Variants in CLIP2 observed in about 807,000 individuals in gnomAD.
CLIP2 encodes the protein CAP-Gly domain-containing linker protein 2.
Under a neutral mutation model 111.7 loss-of-function variants are expected in CLIP2, and 41 were observed. The ratio of observed to expected loss-of-function variants is 0.37; its 90% confidence interval spans 0.29 to 0.48. CLIP2 has a LOEUF of 0.48. Among genes scored for constraint, CLIP2 ranks in the 20% least tolerant of loss-of-function variants. CLIP2 has a pLI of 0.99. For synonymous variants in CLIP2, 660 were observed against 644.2 expected (o/e 1.02, Z -0.37); for missense variants, 1,160 against 1,422.1 (o/e 0.82, Z 2.96).
rs1791588518 is a variant in CLIP2 at position 74,400,471 on chromosome 7, G to A, written c.2982G>A (p.Glu994=). ...LRLQHQLMST[E]DALRDALDQA... ...TGCAGCACCAGCTGATGAGCACGGA[G>A]GACGCCCTGCGGGATGCGCTGGACC... Residue 994 remains glutamate (E), a synonymous_variant, in exon 15 of 17, where the codon GAG becomes GAA. Transcript: ENST00000223398. The A allele has an allele frequency of 1.2e-6, 2 of 1,614,084 alleles. No homozygotes were observed. The highest frequency in any genetic ancestry group is 2.2e-5 in the South Asian group (2 of 91,072).
chr7:74,294,065 C>T (rs181764260), intron 1 of CLIP2, among the ~76,000 whole-genome samples: 150 of 152,226 alleles, frequency 9.9e-4, no homozygotes, highest in African/African-American at 3.3e-3. Flanking sequence ...TACAGGCACG[C>T]GCCACCACGC....
chr7:74,361,533 T>G (rs1173573923), intron 7 of CLIP2, among the ~76,000 whole-genome samples: 1 of 151,976 alleles, frequency 6.6e-6, no homozygotes, highest in Non-Finnish European at 1.5e-5. Context: ...ATTTTTCTTT[T>G]TTGAGACAGG....
At chr7:74,308,852 C>T (rs537250185) in intron 1 of CLIP2, among the ~76,000 whole-genome samples, 2 of 151,924 alleles carry the variant, frequency 1.3e-5, no homozygotes, top group Non-Finnish European at 2.9e-5. Flanking sequence ...CCACCATGCC[C>T]GGCCCTTTTT....
At chr7:74,398,672 C>T (rs753689304) in intron 14 of CLIP2, among the ~76,000 whole-genome samples, 5 of 152,336 alleles carry the variant, frequency 3.3e-5, no homozygotes, top group Non-Finnish European at 5.9e-5. Context: ...CTCAGGGTTC[C>T]GGGATAAAGA....
chr7:74,348,591 C>T (rs1192754723), intron 3 of CLIP2, among the ~76,000 whole-genome samples: 4 of 151,640 alleles, frequency 2.6e-5, no homozygotes, highest in Admixed American at 2.0e-4. Flanking sequence ...AGATCGAGAC[C>T]ATCCTGGCTA....
chr7:74,387,022 CAAAAA>C lies in CLIP2; in HGVS notation c.2563+434_2563+438del, dbSNP rs35422612. Among the ~76,000 whole-genome samples the C allele has an allele frequency of 2.7e-4, 19 of 70,060 alleles. No individual in the cohort carries two copies. In the East Asian group the frequency reaches 3.4e-3, roughly 13 times the overall value. The allele number at this position is 70,060 out of a possible 152,430, so 46.0% of individuals were successfully genotyped here. A position where few individuals can be genotyped will look rare whatever the true frequency, so the allele number is the denominator to read the frequency against. ...TGGGTGACAGAGCGAGACTCCATCTCAAAAAAAAAAAAAAAAAAAAGGGCCAGGGC... is the reference window on the plus strand; with the variant it reads ...TGGGTGACAGAGCGAGACTCCATCTCAAAAAAAAAAAAAAAGGGCCAGGGC... On this transcript the variant is annotated intron_variant, in intron 12 of 16. Transcript: ENST00000223398.
chr7:74,294,406 T>G (rs1372781669), intron 1 of CLIP2, among the ~76,000 whole-genome samples: 1 of 152,170 alleles, frequency 6.6e-6, no homozygotes, highest in Non-Finnish European at 1.5e-5. Context: ...AGGCCTGAAT[T>G]TAGGACCTTC....
Position 74,298,412 on chromosome 7 carries a change from C to T in CLIP2, c.-68+8678C>T, listed in dbSNP as rs531974218. ...AGAGACAGGGTTTTGCAGTGTTGGT[C>T]AGGCTGGTCTTGAACTCCTGATCTC... On this transcript the variant is annotated intron_variant, in intron 1 of 16. Transcript: ENST00000223398. Among the ~76,000 whole-genome samples the T allele has an allele frequency of 1.2e-3, 169 of 139,420 alleles. 2 individuals carry two copies. Among genetic ancestry groups the T allele is most frequent in the Non-Finnish European group, 7.1e-4 (47 of 66,144 alleles). 91.5% of individuals were successfully genotyped at this position (139,420 alleles called of 152,430 possible).
At chr7:74,367,693 G>A (rs1790498144) in intron 8 of CLIP2, among the ~76,000 whole-genome samples, 1 of 152,126 alleles carries the variant, frequency 6.6e-6, no homozygotes, top group South Asian at 2.1e-4. Flanking sequence ...CAGGACCACA[G>A]CCCAAATTGA....
At chr7:74,392,220 G>T (rs917790612) in intron 13 of CLIP2, among the ~76,000 whole-genome samples, 5 of 151,356 alleles carry the variant, frequency 3.3e-5, no homozygotes, top group Non-Finnish European at 7.4e-5. Context: ...GCTTGGTGGT[G>T]GGCACCTGTA....
At chr7:74,339,053 C>A in intron 3 of CLIP2, 49 bp downstream of exon 3, 1 of 1,531,990 alleles carries the variant, frequency 6.5e-7, no homozygotes, top group East Asian at 2.3e-5. Flanking sequence ...CTTCCCTCCC[C>A]TGCTCCGCCC....
chr7:74,401,612 A>G, intron 16 of CLIP2, 45 bp downstream of exon 16: 1 of 1,571,258 alleles, frequency 6.4e-7, no homozygotes, highest in Non-Finnish European at 8.7e-7. Flanking sequence ...GTGCAGGCAG[A>G]CCTCTCTGGA....
intron 7 of CLIP2, among the ~76,000 whole-genome samples, chr7:74,360,823 T>C (rs1422016441): frequency 3.9e-5 from 6 of 152,286 alleles, no homozygotes; most frequent in African/African-American, 1.2e-4. Context: ...AGTGCAGGCA[T>C]GAACCGTTGT....
chr7:74,341,601 T>C (rs1554305402), intron 3 of CLIP2, among the ~76,000 whole-genome samples: 1 of 151,618 alleles, frequency 6.6e-6, no homozygotes, highest in Non-Finnish European at 1.5e-5. Context: ...TCTTTTCTTT[T>C]TTTTTTTTTT....
rs56991723 is a variant in CLIP2 at position 74,321,005 on chromosome 7, G to C, written c.121+3338G>C. Among the ~76,000 whole-genome samples, 34 of 152,066 alleles carry C rather than the reference G, an allele frequency of 2.2e-4. No individual in the cohort carries two copies. The East Asian group carries it at 5.4e-3, about 24-fold the overall frequency. On this transcript the variant is annotated intron_variant, in intron 2 of 16. Coordinates refer to ENST00000223398, the MANE Select transcript of CLIP2 (RefSeq NM_003388.5). Reference sequence around the variant, plus strand: ...GGTACTTTCCCCTTTGTTCCTCCCCGATCTAGAGAGGCCCAAATTCTGGCT... The same window carrying C: ...GGTACTTTCCCCTTTGTTCCTCCCCCATCTAGAGAGGCCCAAATTCTGGCT...
chr7:74,315,806 A>G (rs1315130550), intron 1 of CLIP2, among the ~76,000 whole-genome samples: 4 of 151,426 alleles, frequency 2.6e-5, no homozygotes, highest in Non-Finnish European at 5.9e-5. Flanking sequence ...TCCTGACCTC[A>G]GGTGATCCGC....
At chr7:74,310,107 G>A (rs1194113799) in intron 1 of CLIP2, among the ~76,000 whole-genome samples, 3 of 144,976 alleles carry the variant, frequency 2.1e-5, no homozygotes, top group African/African-American at 8.0e-5. Flanking sequence ...GCGCATGCCT[G>A]TAGTCCCCTA....
chr7:74,389,333 T>G, intron 13 of CLIP2, 74 bp downstream of exon 13: 3 of 1,421,136 alleles, frequency 2.1e-6, no homozygotes, highest in Non-Finnish European at 2.8e-6. Context: ...CATTAGCTCA[T>G]GTTATCTTGG....
At chr7:74,290,877 A>C (rs1329975314) in intron 1 of CLIP2, among the ~76,000 whole-genome samples, 3 of 152,032 alleles carry the variant, frequency 2.0e-5, no homozygotes, top group Non-Finnish European at 4.4e-5. Context: ...GTCCCCAAAA[A>C]GTGCAGCCCC....
Sources: gnomAD v4.1 joint callset for allele counts (sites outside exome capture counted in the v4.1 genomes callset) on GRCh38, gnomAD v4.1.1 for gene constraint, MANE v1.5 for transcripts, NCBI Gene and HGNC (gene_info 2026-07-23, HGNC 2026-07-21) for gene names.